LRRTM3: variants seen among roughly 807,000 people sequenced by gnomAD.
LRRTM3 encodes leucine-rich repeat transmembrane neuronal protein 3.
A neutral mutation model predicts 44.7 loss-of-function variants in LRRTM3; 24 were observed. The ratio of observed to expected loss-of-function variants is 0.54; its 90% CI spans 0.39 to 0.76. LRRTM3 has a LOEUF of 0.76. Among genes scored for constraint, LRRTM3 ranks in the 30% least tolerant of loss-of-function variants. The pLI is 0.00. For synonymous variants in LRRTM3, 277 were observed against 278.7 expected (o/e 0.99, Z 0.06); for missense variants, 587 against 702.2 (o/e 0.84, Z 1.85).
intron 2 of LRRTM3, among the ~76,000 whole-genome samples, chr10:67,091,176 C>T (rs1295778588): frequency 6.6e-6 from 1 of 151,800 alleles, no homozygotes; most frequent in Non-Finnish European, 1.5e-5. Context: ...ATTGCGCATA[C>T]CTTAGCAAAA....
At chr10:67,020,027 C>T (rs1852902874) in intron 2 of LRRTM3, among the ~76,000 whole-genome samples, 1 of 151,952 alleles carries the variant, frequency 6.6e-6, no homozygotes, top group Non-Finnish European at 1.5e-5. Context: ...ACTGCTTTCC[C>T]TCACTGTGTC....
intron 2 of LRRTM3, among the ~76,000 whole-genome samples, chr10:66,992,917 T>C (rs188916298): frequency 3.6e-4 from 55 of 152,260 alleles, no homozygotes; most frequent in African/African-American, 1.3e-3. Flanking sequence ...TGTATCCCGG[T>C]ACTATTATTA....
At chr10:66,938,929 C>T (rs575959223) in intron 2 of LRRTM3, among the ~76,000 whole-genome samples, 6 of 152,244 alleles carry the variant, frequency 3.9e-5, no homozygotes, top group Admixed American at 2.0e-4. Flanking sequence ...GATCTCTCCC[C>T]GTCCACATCC....
chr10:67,067,444 A>G (rs1223128631), intron 2 of LRRTM3, among the ~76,000 whole-genome samples: 4 of 152,220 alleles, frequency 2.6e-5, no homozygotes, highest in Non-Finnish European at 4.4e-5. Flanking sequence ...TTGTCCCTAT[A>G]ATAACATTTC....
intron 2 of LRRTM3, among the ~76,000 whole-genome samples, chr10:67,003,484 T>C (rs1851796098): frequency 6.6e-6 from 1 of 152,208 alleles, no homozygotes; most frequent in African/African-American, 2.4e-5. Flanking sequence ...CGAATACTTT[T>C]GGGAAACTTT....
intron 2 of LRRTM3, among the ~76,000 whole-genome samples, chr10:67,023,841 G>C (rs1335487461): frequency 1.3e-5 from 2 of 152,138 alleles, no homozygotes; most frequent in Non-Finnish European, 2.9e-5. Context: ...TTACAATTTT[G>C]CTACAGATTA....
intron 2 of LRRTM3, among the ~76,000 whole-genome samples, chr10:66,989,136 G>A (rs1403500746): frequency 2.6e-5 from 4 of 152,118 alleles, no homozygotes; most frequent in Non-Finnish European, 5.9e-5. Context: ...CTAGCAGCAA[G>A]AAATGAAGAA....
At chr10:66,978,334 T>C (rs1850182386) in intron 2 of LRRTM3, among the ~76,000 whole-genome samples, 1 of 151,500 alleles carries the variant, frequency 6.6e-6, no homozygotes, top group Admixed American at 6.6e-5. Context: ...GAGACCAGCC[T>C]GGCCAACATG....
intron 2 of LRRTM3, among the ~76,000 whole-genome samples, chr10:67,043,951 C>T (rs1263453517): frequency 7.6e-6 from 1 of 132,208 alleles, no homozygotes; most frequent in Non-Finnish European, 1.8e-5. Flanking sequence ...AAATTTCAAC[C>T]TCTATTTTAG....
rs10586644 is a variant in LRRTM3, at chr10:67,017,725, CTGTGTGTGTG to C, written c.1537-79843_1537-79834del. Among the ~76,000 whole-genome samples, 6 of 147,988 alleles carry C rather than the reference CTGTGTGTGTG, an allele frequency of 4.1e-5. No individual in the cohort carries two copies. The South Asian group carries it at 8.6e-4, about 21-fold the overall frequency. ...CAAAATGTGATGTCACAAAAATCAT[CTGTGTGTGTG>C]TGTGTGTGTGTGTGTGTGCGCGCGT... On this transcript the variant is annotated intron_variant, in intron 2 of 2. Transcript: ENST00000361320.
At chr10:67,063,739 T>C (rs1855899314) in intron 2 of LRRTM3, among the ~76,000 whole-genome samples, 1 of 152,250 alleles carries the variant, frequency 6.6e-6, no homozygotes, top group African/African-American at 2.4e-5. Context: ...GTACTCTATA[T>C]AAACTCTTAC....
At chr10:66,932,145 T>C (rs1847436666) in intron 2 of LRRTM3, among the ~76,000 whole-genome samples, 1 of 152,134 alleles carries the variant, frequency 6.6e-6, no homozygotes, top group African/African-American at 2.4e-5. Context: ...ACTGGTTCTA[T>C]TAGGCTCTCT....
chr10:67,056,312 C>A (rs954691003), intron 2 of LRRTM3, among the ~76,000 whole-genome samples: 20 of 152,124 alleles, frequency 1.3e-4, no homozygotes, highest in Non-Finnish European at 1.3e-4. Flanking sequence ...TTGGGTGAGG[C>A]AATATTTCTC....
intron 2 of LRRTM3, among the ~76,000 whole-genome samples, chr10:66,931,087 T>C (rs1589441536): frequency 1.3e-5 from 2 of 151,772 alleles, no homozygotes; most frequent in Admixed American, 6.6e-5. Context: ...AATCTATTTG[T>C]ATAAGTATTT....
chr10:67,025,657 A>G (rs888124262), intron 2 of LRRTM3, among the ~76,000 whole-genome samples: 3 of 152,156 alleles, frequency 2.0e-5, no homozygotes, highest in Non-Finnish European at 4.4e-5. Context: ...AATCCTCTCT[A>G]AAGTACTATA....
intron 2 of LRRTM3, among the ~76,000 whole-genome samples, chr10:67,032,117 G>C (rs1052252115): frequency 1.3e-5 from 2 of 151,948 alleles, no homozygotes; most frequent in Admixed American, 6.6e-5. Context: ...TTCCCACAAG[G>C]TTTGTTTCCA....
At chr10:67,040,031 T>C (rs184288002) in intron 2 of LRRTM3, among the ~76,000 whole-genome samples, 1 of 152,208 alleles carries the variant, frequency 6.6e-6, no homozygotes, top group African/African-American at 2.4e-5. Context: ...TGAGGAGGGT[T>C]AGTGACACTC....
intron 2 of LRRTM3, among the ~76,000 whole-genome samples, chr10:66,995,152 C>T (rs967083393): frequency 6.6e-6 from 1 of 152,124 alleles, no homozygotes; most frequent in African/African-American, 2.4e-5. Flanking sequence ...ATGCACATTC[C>T]ATAATCTCAA....
intron 2 of LRRTM3, among the ~76,000 whole-genome samples, chr10:67,073,345 G>A (rs1856567547): frequency 6.6e-6 from 1 of 152,128 alleles, no homozygotes; most frequent in South Asian, 2.1e-4. Flanking sequence ...ACCTGGAACA[G>A]TATTTTACCT....
Sources: allele counts gnomAD v4.1 joint callset (sites outside exome capture counted in the v4.1 genomes callset), GRCh38; gene constraint gnomAD v4.1.1; transcripts MANE v1.5; gene names NCBI Gene and HGNC (gene_info 2026-07-23, HGNC 2026-07-21).